CEP112: variants seen among roughly 807,000 people sequenced by gnomAD.
CEP112 encodes the protein centrosomal protein of 112 kDa.
CEP112 carries 127 observed loss-of-function variants against 153.0 expected under a neutral mutation model. The ratio of observed to expected loss-of-function variants is 0.83; its 90% CI spans 0.72 to 0.96. CEP112 has a LOEUF of 0.96. CEP112 is among the 40% of genes least tolerant of loss of function. The pLI, the probability that CEP112 is intolerant of heterozygous loss-of-function variation, is 0.00. For missense variants in CEP112, 1,089 were observed against 1,101.2 expected, an observed-to-expected ratio of 0.99 and a Z score of 0.16; for synonymous variants, 358 against 374.4, an observed-to-expected ratio of 0.96 and a Z score of 0.51.
intron 23 of CEP112, among the ~76,000 whole-genome samples, chr17:65,738,048 A>G (rs7215873): frequency 0.16 from 23,682 of 152,146 alleles, 2,714 homozygotes; most frequent in East Asian, 0.65. Flanking sequence ...CACCGCACCC[A>G]TGTAACATGC....
intron 23 of CEP112, among the ~76,000 whole-genome samples, chr17:65,716,765 A>G (rs75881895): frequency 0.013 from 2,053 of 152,242 alleles, 42 homozygotes; most frequent in African/African-American, 0.047. Flanking sequence ...TGGGGATAAT[A>G]ATGAAAATGA....
chr17:65,949,400 G>A (rs563166682), intron 18 of CEP112, among the ~76,000 whole-genome samples: 1 of 152,144 alleles, frequency 6.6e-6, no homozygotes, highest in Non-Finnish European at 1.5e-5. Flanking sequence ...CTGTTCATGG[G>A]TTGCTGTTAC....
chr17:65,732,325 CTT>C (rs1187577947), intron 23 of CEP112, among the ~76,000 whole-genome samples: 1 of 152,144 alleles, frequency 6.6e-6, no homozygotes, highest in Non-Finnish European at 1.5e-5. Context: ...CAATAGCAGA[CTT>C]AAAATATTCA....
chr17:65,844,792 G>C lies in CEP112; in HGVS notation c.2394+7012C>G, dbSNP rs545372093. On this transcript the variant is annotated intron_variant, in intron 21 of 26. Coordinates refer to ENST00000535342, the MANE Select transcript of CEP112 (RefSeq NM_001199165.4). ...GCACTTTGGGAGGTCGAGGTGGGCG[G>C]ATCACGAGGTCAGGAGATCAAGACC... Among the ~76,000 whole-genome samples the C allele has an allele frequency of 7.2e-5, 11 of 152,062 alleles. No homozygotes were observed. In the East Asian group the frequency reaches 1.9e-3, roughly 27 times the overall value.
intron 4 of CEP112, among the ~76,000 whole-genome samples, chr17:66,162,334 C>G (rs2071747307): frequency 6.6e-6 from 1 of 152,154 alleles, no homozygotes. Flanking sequence ...CGAGTTTCAG[C>G]AAGGATGGAG....
intron 6 of CEP112, among the ~76,000 whole-genome samples, chr17:66,112,185 G>A (rs956790756): frequency 6.6e-6 from 1 of 152,028 alleles, no homozygotes; most frequent in Non-Finnish European, 1.5e-5. Context: ...CAGCTACTCG[G>A]GAGGCTGAGG....
At chr17:66,108,459 A>C (rs2068878604) in intron 6 of CEP112, among the ~76,000 whole-genome samples, 1 of 152,210 alleles carries the variant, frequency 6.6e-6, no homozygotes, top group South Asian at 2.1e-4. Flanking sequence ...AAAAGATCTG[A>C]ATAGACATGT....
chr17:66,181,424 C>A (rs1270864890), intron 2 of CEP112, among the ~76,000 whole-genome samples: 1 of 152,066 alleles, frequency 6.6e-6, no homozygotes, highest in East Asian at 1.9e-4. Flanking sequence ...TGGCTCACTG[C>A]AAGCTCTGCC....
chr17:65,683,914 G>A (rs1008849750), intron 24 of CEP112, among the ~76,000 whole-genome samples: 3 of 152,136 alleles, frequency 2.0e-5, no homozygotes, highest in Middle Eastern at 3.2e-3. Flanking sequence ...GGTGGTGGGC[G>A]TCTGTAATCC....
chr17:65,894,537 T>C (rs1389472502), intron 20 of CEP112, among the ~76,000 whole-genome samples: 1 of 152,072 alleles, frequency 6.6e-6, no homozygotes, highest in Non-Finnish European at 1.5e-5. Context: ...CTCTGAGAGT[T>C]AAAATTTCAT....
intron 21 of CEP112, among the ~76,000 whole-genome samples, chr17:65,809,038 G>A (rs565541704): frequency 2.6e-5 from 4 of 152,120 alleles, no homozygotes; most frequent in African/African-American, 9.6e-5. Context: ...CCTTGATCTT[G>A]GACTTCCCAT....
In CEP112 at chr17:65,654,961, C is replaced by T. The variant is rs147084689; in HGVS notation, c.2698-13896G>A. 521 of 674,110 alleles carry T rather than the reference C, an allele frequency of 7.7e-4. 2 individuals are homozygous for T. In the African/African-American group the frequency reaches 8.3e-3, roughly 11 times the overall value. 41.8% of individuals were successfully genotyped at this position (674,110 alleles called of 1,614,324 possible). On this transcript the variant is annotated intron_variant, in intron 24 of 26. Coordinates refer to ENST00000535342, the MANE Select transcript of CEP112 (RefSeq NM_001199165.4). ...CTAAAGCACAAATTATTGCGGAAGC[C>T]GGGCCAATAGTGATTGGCAAAGGGA... is the stretch of plus-strand genomic sequence containing the variant.
chr17:65,761,975 T>G (rs1192545396), intron 21 of CEP112, among the ~76,000 whole-genome samples: 1 of 152,276 alleles, frequency 6.6e-6, no homozygotes, highest in South Asian at 2.1e-4. Flanking sequence ...TCTGTCCATT[T>G]ATGATAGTGG....
intron 23 of CEP112, among the ~76,000 whole-genome samples, chr17:65,721,665 T>C (rs1311732318): frequency 6.6e-6 from 1 of 152,236 alleles, no homozygotes; most frequent in Non-Finnish European, 1.5e-5. Flanking sequence ...AATCTTGGCA[T>C]AAGTGTCTTT....
At position 65,882,599 on chromosome 17, in the gene CEP112, G is replaced by A. The variant is rs112535370; in HGVS notation, c.2163+19553C>T. The stretch of plus-strand genomic sequence containing the variant: ...TTCCCTCGTTCACTGATTAAGCATC[G>A]GCACTTGGGCCAGGTGCTCTAGTAG... On this transcript the variant is annotated intron_variant, in intron 20 of 26. Coordinates refer to ENST00000535342, the MANE Select transcript of CEP112 (RefSeq NM_001199165.4). 7.9e-3 allele frequency among the ~76,000 whole-genome samples: 1,209 copies of A among 152,226 alleles called. 19 individuals carry two copies. The highest frequency in any genetic ancestry group is 0.027 in the African/African-American group (1,131 of 41,512).
chr17:65,644,327 A>T, intron 24 of CEP112: 1 of 570,550 alleles, frequency 1.8e-6, no homozygotes, highest in Non-Finnish European at 3.1e-6. Flanking sequence ...TTGAGTGCCA[A>T]GATGGTGAAG....
At chr17:65,666,470 A>T (rs1258619070) in intron 24 of CEP112, among the ~76,000 whole-genome samples, 1 of 152,188 alleles carries the variant, frequency 6.6e-6, no homozygotes, top group Non-Finnish European at 1.5e-5. Context: ...TGCTGGGTGA[A>T]GCCTTTGGTA....
chr17:65,692,887 C>G (rs2048178713), intron 23 of CEP112, among the ~76,000 whole-genome samples: 1 of 152,122 alleles, frequency 6.6e-6, no homozygotes, highest in Non-Finnish European at 1.5e-5. Flanking sequence ...CATTTGAACT[C>G]TACTCCCTAA....
intron 23 of CEP112, among the ~76,000 whole-genome samples, chr17:65,718,490 T>C (rs2049681757): frequency 6.6e-6 from 1 of 152,142 alleles, no homozygotes. Context: ...CTTCAACTCA[T>C]CCCATTACAA....
Sources: gnomAD v4.1 joint callset for allele counts (sites outside exome capture counted in the v4.1 genomes callset) on GRCh38, gnomAD v4.1.1 for gene constraint, MANE v1.5 for transcripts, NCBI Gene and HGNC (gene_info 2026-07-23, HGNC 2026-07-21) for gene names.